Variants in NCOA2 observed in about 807,000 individuals in gnomAD.
The protein encoded by NCOA2 is class E basic helix-loop-helix protein 75.
NCOA2 carries 21 observed loss-of-function variants against 145.1 expected under a neutral mutation model. That is an observed-to-expected ratio of 0.14 (90% CI 0.10 to 0.21). NCOA2 has a LOEUF of 0.21. NCOA2 is among the 10% of genes least tolerant of loss of function. The pLI, the probability that NCOA2 is intolerant of heterozygous loss-of-function variation, is 1.00. For synonymous variants in NCOA2, 619 were observed against 637.5 expected (o/e 0.97, Z 0.44); for missense variants, 1,472 against 1,837.6 (o/e 0.80, Z 3.64).
chr8:70,418,092 C>T, the NCOA2 span, among the ~76,000 whole-genome samples: 4 of 152,116 alleles, frequency 2.6e-5, no homozygotes, highest in East Asian at 1.9e-4. Flanking sequence ...AGCATAGTAG[C>T]GATACTCCCT....
At chr8:70,367,559 C>T (rs1334316892) in intron 1 of NCOA2, among the ~76,000 whole-genome samples, 1 of 152,146 alleles carries the variant, frequency 6.6e-6, no homozygotes. Flanking sequence ...AATCACAGTA[C>T]TCCAGCTTTT....
chr8:70,362,903 C>T (rs1008844124), intron 1 of NCOA2, among the ~76,000 whole-genome samples: 2 of 151,374 alleles, frequency 1.3e-5, no homozygotes, highest in African/African-American at 4.9e-5. Flanking sequence ...CATGGCAAAA[C>T]CCCGTCTCTA....
intron 16 of NCOA2, 30 bp from the exon 17 acceptor site, chr8:70,129,010 ATAAT>A: frequency 1.3e-6 from 2 of 1,558,748 alleles, no homozygotes; most frequent in Non-Finnish European, 1.7e-6. Context: ...TAACAAACAA[ATAAT>A]TAAACCATAA....
the NCOA2 span, among the ~76,000 whole-genome samples, chr8:70,439,961 C>A: frequency 2.0e-5 from 3 of 152,150 alleles, no homozygotes; most frequent in Non-Finnish European, 4.4e-5. Context: ...GTCAAGAGAG[C>A]AATCTTGCCA....
the NCOA2 span, among the ~76,000 whole-genome samples, chr8:70,441,690 A>G: frequency 6.6e-6 from 1 of 151,110 alleles, no homozygotes; most frequent in Non-Finnish European, 1.5e-5. Flanking sequence ...GAGAAAAGGA[A>G]GAAGAAAGAA....
intron 6 of NCOA2, among the ~76,000 whole-genome samples, chr8:70,169,908 C>CATCATT (rs1646326178): frequency 1.3e-5 from 2 of 151,824 alleles, no homozygotes; most frequent in Non-Finnish European, 2.9e-5. Flanking sequence ...TCATCATCAT[C>CATCATT]ATCATCATCA....
intron 2 of NCOA2, among the ~76,000 whole-genome samples, chr8:70,264,437 G>A (rs1824395682): frequency 6.6e-6 from 1 of 151,956 alleles, no homozygotes; most frequent in Non-Finnish European, 1.5e-5. Context: ...AGAGGCTGCA[G>A]AGAGGTGTGA....
chr8:70,274,716 G>A (rs541377488), intron 2 of NCOA2, among the ~76,000 whole-genome samples: 59 of 152,140 alleles, frequency 3.9e-4, no homozygotes, highest in Non-Finnish European at 7.5e-4. Context: ...AACTCCGAAA[G>A]ATACTGCTTA....
intron 1 of NCOA2, among the ~76,000 whole-genome samples, chr8:70,346,944 T>G (rs1472632952): frequency 6.6e-6 from 1 of 152,196 alleles, no homozygotes; most frequent in Non-Finnish European, 1.5e-5. Flanking sequence ...AAGGCATCAT[T>G]TTAATAATTG....
At chr8:70,217,591 T>A (rs4738081) in intron 2 of NCOA2, among the ~76,000 whole-genome samples, 6,952 of 152,060 alleles carry the variant, frequency 0.046, 263 homozygotes, top group East Asian at 0.16. Flanking sequence ...CATGATCAGC[T>A]CCTGCTTGCT....
chr8:70,288,976 A>G lies in NCOA2; in HGVS notation c.-20+7768T>C, dbSNP rs565326497. ...AAAATCTAAATTCTACTCAGTTAAT[A>G]AAATAAAATCTACTGTTTTATATTA... On this transcript the variant is annotated intron_variant, in intron 2 of 22. Transcript: ENST00000452400. Among the ~76,000 whole-genome samples the G allele has an allele frequency of 2.0e-5, 3 of 152,370 alleles. No individual in the cohort carries two copies. The East Asian group carries it at 5.8e-4, about 29-fold the overall frequency.
In NCOA2 at chr8:70,156,098, T is replaced by C; in HGVS notation, c.2267A>G (p.Asp756Gly). 1.2e-6 allele frequency: 2 copies of C among 1,613,998 alleles called. No homozygotes were observed. Among genetic ancestry groups the C allele is most frequent in the African/African-American group, 1.3e-5 (1 of 75,056 alleles). The change falls in exon 11 of 23, where the codon GAT becomes GGT. Residue 756 changes from aspartate (D) to glycine (G), a missense_variant. Physicochemically the swap from Asp to Gly is moderately conservative, Grantham distance 94. Coordinates refer to ENST00000452400, the MANE Select transcript of NCOA2 (RefSeq NM_006540.4). ...GGGGGTTATTTCTGGTAAACCAATA[T>C]CTTTAGTATCATCTTTATCTAGCAA... ...RYLLDKDDTK[D>G]IGLPEITPKL... is the part of the protein sequence containing the mutation.
chr8:70,290,345 C>T (rs1275976272), intron 2 of NCOA2, among the ~76,000 whole-genome samples: 4 of 152,142 alleles, frequency 2.6e-5, no homozygotes, highest in South Asian at 2.1e-4. Context: ...CCTGCCACCA[C>T]ACCCGGCTAA....
chr8:70,174,620 T>C (rs1814625128), intron 5 of NCOA2, 136 bp downstream of exon 5: 2 of 742,174 alleles, frequency 2.7e-6, no homozygotes, highest in East Asian at 5.3e-5. Flanking sequence ...CACACAGGCA[T>C]ATCAGCAAGC....
the NCOA2 span, among the ~76,000 whole-genome samples, chr8:70,423,609 G>A: frequency 6.6e-6 from 1 of 152,080 alleles, no homozygotes; most frequent in African/African-American, 2.4e-5. Flanking sequence ...TGGAGGTCTC[G>A]CCCTAATGAG....
At chr8:70,198,794 G>C (rs1817602748) in intron 4 of NCOA2, among the ~76,000 whole-genome samples, 2 of 152,180 alleles carry the variant, frequency 1.3e-5, no homozygotes, top group Admixed American at 1.3e-4. Context: ...TACACAGACT[G>C]AGATAGAGCA....
chr8:70,148,425 A>G lies in NCOA2; in HGVS notation c.2453T>C (p.Leu818Ser), dbSNP rs1384822339. The G allele has an allele frequency of 8.7e-6, 14 of 1,613,800 alleles. No homozygotes were observed. Among genetic ancestry groups the G allele is most frequent in the Non-Finnish European group, 1.1e-5 (13 of 1,179,904 alleles). The change falls in exon 12 of 23, where the codon TTA becomes TCA. Residue 818 changes from leucine (L) to serine (S), a missense_variant. Physicochemically the swap from Leu to Ser is moderately radical, Grantham distance 145 (BLOSUM62 -2). Transcript: ENST00000452400. Reference protein sequence around the residue: ...EILDDLQNSQLPQLFPDTRPG... With the variant: ...EILDDLQNSQSPQLFPDTRPG... ...CCTCGTGTCTGGGAAAAGCTGTGGT[A>G]ATTGACTATTCTGCAAATCATCCAA... is the stretch of plus-strand genomic sequence containing the variant.
intron 4 of NCOA2, among the ~76,000 whole-genome samples, chr8:70,184,446 A>C (rs1024582278): frequency 2.0e-5 from 3 of 152,304 alleles, no homozygotes; most frequent in South Asian, 2.1e-4. Context: ...AGAGCACTTC[A>C]TCAGGTTTCT....
At position 70,379,318 on chromosome 8, in the gene NCOA2, G is replaced by C. The variant is rs558391105; in HGVS notation, c.-77+24382C>G. On this transcript the variant is annotated intron_variant, in intron 1 of 22. Coordinates refer to ENST00000452400, the MANE Select transcript of NCOA2 (RefSeq NM_006540.4). ...CAATTCATTTATTTTGATAAGGACG[G>C]GACAAACCCTATGTTTTAGAAATAT... 3.3e-5 allele frequency among the ~76,000 whole-genome samples: 5 copies of C among 152,222 alleles called. No homozygotes were observed. The South Asian group carries it at 1.0e-3, about 32-fold the overall frequency.
Sources: allele counts gnomAD v4.1 joint callset (sites outside exome capture counted in the v4.1 genomes callset), GRCh38; gene constraint gnomAD v4.1.1; transcripts MANE v1.5; gene names NCBI Gene and HGNC (gene_info 2026-07-23, HGNC 2026-07-21).